LARGE1: variants seen among roughly 807,000 people sequenced by gnomAD.
The protein encoded by LARGE1 is LARGE xylosyl- and glucuronyltransferase 1, also known as xylosyl- and glucuronyltransferase LARGE1.
In LARGE1, 43 loss-of-function variants were observed where a neutral mutation model predicts 87.6. That is an observed-to-expected ratio of 0.49 (90% confidence interval 0.38 to 0.63). The LOEUF is 0.63. Among genes scored for constraint, LARGE1 ranks in the 30% least tolerant of loss-of-function variants. The pLI, the probability that LARGE1 is intolerant of heterozygous loss-of-function variation, is 0.00. For missense variants in LARGE1, 802 were observed against 1,000.2 expected (o/e 0.80, Z 2.67); for synonymous variants, 434 against 394.6 (o/e 1.10, Z -1.18).
chr22:33,094,778 G>A, the LARGE1 span, among the ~76,000 whole-genome samples: 3 of 152,220 alleles, frequency 2.0e-5, no homozygotes, highest in Non-Finnish European at 2.9e-5. Context: ...GAGCGCAATG[G>A]CGCGATGTTG....
chr22:33,634,094 A>T (rs1050592217), intron 3 of LARGE1, among the ~76,000 whole-genome samples: 2 of 152,220 alleles, frequency 1.3e-5, no homozygotes, highest in African/African-American at 4.8e-5. Context: ...CTAATAAATC[A>T]ATGCTTATTA....
At position 33,450,445 on chromosome 22, in the gene LARGE1, TAC is replaced by T. The variant is rs1293107241; in HGVS notation, c.788-18182_788-18181del. On this transcript the variant is annotated intron_variant, in intron 6 of 14. Transcript: ENST00000397394. ...GGTGAAACCCCATCTCTACTAAAAA[TAC>T]AAAAAAAAAAAAAAAATTAGCCAGG... is the stretch of plus-strand genomic sequence containing the variant. 1.1e-4 allele frequency among the ~76,000 whole-genome samples: 10 copies of T among 94,166 alleles called. No individual in the cohort carries two copies. In the East Asian group the frequency reaches 2.5e-3, roughly 24 times the overall value. 61.8% of individuals were successfully genotyped at this position (94,166 alleles called of 152,430 possible).
intron 9 of LARGE1, among the ~76,000 whole-genome samples, chr22:33,358,780 T>C (rs2064273563): frequency 6.6e-6 from 1 of 151,604 alleles, no homozygotes; most frequent in Non-Finnish European, 1.5e-5. Flanking sequence ...AGGTCAGGAG[T>C]TTGAGACCAC....
chr22:33,146,696 T>C, the LARGE1 span, among the ~76,000 whole-genome samples: 2 of 152,232 alleles, frequency 1.3e-5, no homozygotes, highest in Middle Eastern at 3.4e-3. Context: ...GTCAACTTTA[T>C]ACTACTTAGG....
At chr22:33,872,225 G>A (rs933040870) in intron 1 of LARGE1, among the ~76,000 whole-genome samples, 7 of 151,922 alleles carry the variant, frequency 4.6e-5, no homozygotes, top group Admixed American at 6.5e-5. Context: ...AGACTCTGAC[G>A]TGACACTGCC....
intron 11 of LARGE1, among the ~76,000 whole-genome samples, chr22:33,229,069 T>G (rs1240825422): frequency 6.6e-6 from 1 of 152,222 alleles, no homozygotes; most frequent in East Asian, 1.9e-4. Context: ...CTGAAGCATG[T>G]GTTGTAGGTG....
chr22:33,067,785 G>T, the LARGE1 span, among the ~76,000 whole-genome samples: 1 of 151,952 alleles, frequency 6.6e-6, no homozygotes, highest in Admixed American at 6.6e-5. Context: ...TTCGAGACAA[G>T]CCTGGCCAAA....
chr22:33,510,206 T>G (rs566059830), intron 6 of LARGE1, among the ~76,000 whole-genome samples: 1 of 152,220 alleles, frequency 6.6e-6, no homozygotes, highest in African/African-American at 2.4e-5. Context: ...AGTCTAAACA[T>G]GCAAGTCTTA....
intron 7 of LARGE1, among the ~76,000 whole-genome samples, chr22:33,391,765 C>CTTTTTTTTT (rs1034572374): frequency 4.7e-5 from 3 of 63,850 alleles, no homozygotes; most frequent in Non-Finnish European, 5.5e-5. Flanking sequence ...TTCCTTTTTC[C>CTTTTTTTTT]TTTTTTTTTT....
intron 6 of LARGE1, among the ~76,000 whole-genome samples, chr22:33,463,000 T>A (rs1171792667): frequency 6.6e-6 from 1 of 152,168 alleles, no homozygotes; most frequent in African/African-American, 2.4e-5. Context: ...AGATTCTTGG[T>A]ATATAACTTT....
intron 9 of LARGE1, among the ~76,000 whole-genome samples, chr22:33,347,484 G>A (rs1939894630): frequency 6.6e-6 from 1 of 152,224 alleles, no homozygotes; most frequent in South Asian, 2.1e-4. Flanking sequence ...ACTAATGTGG[G>A]ATTTGGAATG....
In LARGE1 at chr22:33,852,684, T is replaced by TA. The variant is rs201430643; in HGVS notation, c.-83+67310dup. Among the ~76,000 whole-genome samples the TA allele has an allele frequency of 6.7e-3, 1,016 of 151,264 alleles. 7 individuals are homozygous for TA. The highest frequency in any genetic ancestry group is 0.015 in the South Asian group (69 of 4,756). On this transcript the variant is annotated intron_variant, in intron 1 of 14. Transcript: ENST00000397394. ...CAACACAGTGAAATCCCGTCTCTAC[T>TA]AAAAAAACATATATACAAAAAATAA... is the stretch of plus-strand genomic sequence containing the variant.
intron 11 of LARGE1, among the ~76,000 whole-genome samples, chr22:33,181,646 A>G (rs1386367356): frequency 6.6e-6 from 1 of 151,382 alleles, no homozygotes; most frequent in Non-Finnish European, 1.5e-5. Context: ...CTCCTGCCTC[A>G]GCCTCCTGAG....
At position 33,480,403 on chromosome 22, in the gene LARGE1, A is replaced by G. The variant is rs374899525; in HGVS notation, c.788-48138T>C. Reference sequence around the variant, plus strand: ...TTTTTTAATCAAAAAGGATAAGAACAAGAAGTCAAGCGGGTATAATCTCCT... The same window carrying G: ...TTTTTTAATCAAAAAGGATAAGAACGAGAAGTCAAGCGGGTATAATCTCCT... On this transcript the variant is annotated intron_variant, in intron 6 of 14. Coordinates refer to ENST00000397394, the MANE Select transcript of LARGE1 (RefSeq NM_133642.5). Among the ~76,000 whole-genome samples the G allele has an allele frequency of 8.7e-3, 477 of 54,890 alleles. 3 individuals carry two copies. The highest frequency in any genetic ancestry group is 0.084 in the South Asian group (100 of 1,196). The allele number at this position is 54,890 out of a possible 152,430, so 36.0% of individuals were successfully genotyped here. A position where few individuals can be genotyped will look rare whatever the true frequency, so the allele number is the denominator to read the frequency against.
intron 11 of LARGE1, among the ~76,000 whole-genome samples, chr22:33,200,517 T>C (rs1276629085): frequency 6.6e-6 from 1 of 152,218 alleles, no homozygotes; most frequent in African/African-American, 2.4e-5. Flanking sequence ...CGAAAACGTA[T>C]GTCCACATAA....
At chr22:33,579,377 T>A (rs943700915) in intron 5 of LARGE1, among the ~76,000 whole-genome samples, 1 of 152,212 alleles carries the variant, frequency 6.6e-6, no homozygotes, top group Non-Finnish European at 1.5e-5. Flanking sequence ...TAAGTCCAGT[T>A]AAATCTCTTT....
At chr22:33,475,032 C>A (rs960491070) in intron 6 of LARGE1, among the ~76,000 whole-genome samples, 1 of 152,122 alleles carries the variant, frequency 6.6e-6, no homozygotes, top group Non-Finnish European at 1.5e-5. Flanking sequence ...TTCACTCCAC[C>A]ATCTACAGGA....
rs1235009920 is a variant in LARGE1 at position 33,494,447 on chromosome 22, G to A, written c.788-62182C>T. 3.3e-5 allele frequency among the ~76,000 whole-genome samples: 5 copies of A among 152,176 alleles called. No homozygotes were observed. The South Asian group carries it at 1.0e-3, about 32-fold the overall frequency. ...TAATGTATGTGGAAGTGCTCAGTAC[G>A]GTGTTTAACACAGTTAGTGCTCAAA... is the stretch of plus-strand genomic sequence containing the variant. On this transcript the variant is annotated intron_variant, in intron 6 of 14. Coordinates refer to ENST00000397394, the MANE Select transcript of LARGE1 (RefSeq NM_133642.5).
chr22:33,516,988 G>C (rs535516392), intron 6 of LARGE1, among the ~76,000 whole-genome samples: 1 of 152,274 alleles, frequency 6.6e-6, no homozygotes, highest in African/African-American at 2.4e-5. Context: ...AGCCTTAAAA[G>C]GCAAACACGC....
Sources: allele counts gnomAD v4.1 joint callset (sites outside exome capture counted in the v4.1 genomes callset), GRCh38; gene constraint gnomAD v4.1.1; transcripts MANE v1.5; gene names NCBI Gene and HGNC (gene_info 2026-07-23, HGNC 2026-07-21).